SLC2A9: variants seen among roughly 807,000 people sequenced by gnomAD.
SLC2A9 encodes solute carrier family 2 member 9, also known as solute carrier family 2, facilitated glucose transporter member 9.
SLC2A9 carries 39 observed loss-of-function variants against 50.6 expected under a neutral mutation model. The ratio of observed to expected loss-of-function variants is 0.77; its 90% CI spans 0.60 to 1.01. The LOEUF (loss-of-function observed/expected upper bound fraction) is 1.01, where lower values mean the gene tolerates loss of function less well. Ranked by LOEUF, SLC2A9 falls within the 50% of genes least tolerant of loss-of-function variation. SLC2A9 has a pLI of 0.00. For missense variants in SLC2A9, 686 were observed against 677.6 expected, an observed-to-expected ratio of 1.01 and a Z score of -0.14; for synonymous variants, 324 against 276.9, an observed-to-expected ratio of 1.17 and a Z score of -1.69.
chr4:9,858,184 A>C (rs1731028934), intron 10 of SLC2A9, among the ~76,000 whole-genome samples: 1 of 152,232 alleles, frequency 6.6e-6, no homozygotes, highest in Non-Finnish European at 1.5e-5. Flanking sequence ...CACTGAGTAG[A>C]AAGAGGGGAG....
At chr4:9,878,499 C>T (rs1355871187) in intron 10 of SLC2A9, among the ~76,000 whole-genome samples, 5 of 152,058 alleles carry the variant, frequency 3.3e-5, no homozygotes, top group Non-Finnish European at 7.4e-5. Flanking sequence ...AGTTGGTAAA[C>T]GCACTGAAGT....
At chr4:9,783,311 G>T in intron 3 of SLC2A9, 1 of 1,614,200 alleles carries the variant, frequency 6.2e-7, no homozygotes, top group South Asian at 1.1e-5. Context: ...GGTGGACAAC[G>T]ACGAGGAGGA....
intron 2 of SLC2A9, 114 bp downstream of exon 2, chr4:10,018,861 G>C (rs1360387008): frequency 2.0e-6 from 2 of 988,084 alleles, no homozygotes; most frequent in Non-Finnish European, 3.1e-6. Flanking sequence ...CTGTCCCCGC[G>C]GTGTCCCGCG....
chr4:9,888,883 C>T (rs1194551716), intron 9 of SLC2A9, among the ~76,000 whole-genome samples: 1 of 152,120 alleles, frequency 6.6e-6, no homozygotes. Flanking sequence ...GACTCTTGTA[C>T]ACTGTATGGC....
At chr4:10,021,184 G>A (rs914228270) in intron 1 of SLC2A9, 96 bp downstream of exon 1, 18 of 1,307,428 alleles carry the variant, frequency 1.4e-5, no homozygotes, top group South Asian at 2.4e-5. Flanking sequence ...CCAGCTACAC[G>A]CTGCCAGGCT....
At chr4:9,802,705 C>T (rs1427967872) in intron 3 of SLC2A9, among the ~76,000 whole-genome samples, 1 of 151,696 alleles carries the variant, frequency 6.6e-6, no homozygotes, top group African/African-American at 2.4e-5. Context: ...ATTACAGGTG[C>T]CCACCACTAC....
At chr4:9,986,652 A>G (rs1436981879) in intron 3 of SLC2A9, among the ~76,000 whole-genome samples, 1 of 152,034 alleles carries the variant, frequency 6.6e-6, no homozygotes, top group Non-Finnish European at 1.5e-5. Context: ...TAAAATAACA[A>G]TACTCCTCAG....
intron 3 of SLC2A9, among the ~76,000 whole-genome samples, chr4:9,809,180 C>A (rs1048001853): frequency 6.6e-6 from 1 of 152,064 alleles, no homozygotes; most frequent in Non-Finnish European, 1.5e-5. Context: ...ATGTCAGACT[C>A]GATTTTTAAT....
intron 10 of SLC2A9, among the ~76,000 whole-genome samples, chr4:9,887,212 T>C (rs1036482426): frequency 1.3e-5 from 2 of 152,230 alleles, no homozygotes; most frequent in Non-Finnish European, 2.9e-5. Context: ...TTGCCACATC[T>C]TTCACCATAG....
At position 9,783,019 on chromosome 4, in the gene SLC2A9, G is replaced by A. The variant is rs139981364; in HGVS notation, n.386-2954C>T. 1,000 of 1,614,228 alleles carry A rather than the reference G, an allele frequency of 6.2e-4. 9 individuals are homozygous for A. In the African/African-American group the frequency reaches 0.012, roughly 19 times the overall value. The stretch of plus-strand genomic sequence containing the variant: ...GCAGTGGACACCCCGAAGGCCCTCC[G>A]GCCGGCTTCCCCTGCGTCAGTGAGA... On this transcript the variant is annotated intron_variant and non_coding_transcript_variant, in intron 3 of 3. Coordinates refer to the SLC2A9 transcript ENST00000503803.
chr4:9,984,579 G>T lies in SLC2A9; in HGVS notation c.535+1090C>A, dbSNP rs139485835. On this transcript the variant is annotated intron_variant, in intron 4 of 11. Coordinates refer to ENST00000264784, the MANE Select transcript of SLC2A9 (RefSeq NM_020041.3). ...CAGCAGAACTGAGATCCAAACTCAG[G>T]GATTTCTAATCCTAAGGCTTGCAAT... Among the ~76,000 whole-genome samples the T allele has an allele frequency of 2.6e-3, 393 of 152,170 alleles. 2 individuals carry two copies. Among genetic ancestry groups the T allele is most frequent in the African/African-American group, 8.7e-3 (363 of 41,512 alleles).
At chr4:10,024,858 GA>G (rs1052197589), upstream of SLC2A9, among the ~76,000 whole-genome samples, 3 of 152,232 alleles carry the variant, frequency 2.0e-5, no homozygotes, top group Non-Finnish European at 4.4e-5. Flanking sequence ...CATTTAAGCA[GA>G]ATGTTTGAAA....
chr4:9,781,056 C>T (rs1718291530), intron 3 of SLC2A9, among the ~76,000 whole-genome samples: 2 of 152,070 alleles, frequency 1.3e-5, no homozygotes, highest in South Asian at 4.1e-4. Flanking sequence ...TCAGCTGAAG[C>T]CCCAGCCTCA....
intron 1 of SLC2A9, among the ~76,000 whole-genome samples, chr4:9,772,743 C>T (rs1217359094): frequency 6.6e-6 from 1 of 152,152 alleles, no homozygotes; most frequent in Admixed American, 6.5e-5. Context: ...CAGGGACTTG[C>T]ACTTTTGTAA....
At chr4:9,778,053 T>TTTCC (rs1163039690), downstream of SLC2A9, among the ~76,000 whole-genome samples, 1,381 of 13,918 alleles carry the variant, frequency 0.099, 47 homozygotes, top group Admixed American at 0.29. Flanking sequence ...TCTTTCTTTC[T>TTTCC]TTCCTTCCTT....
chr4:9,821,331 T>C (rs1333437921), downstream of SLC2A9, among the ~76,000 whole-genome samples: 1 of 152,220 alleles, frequency 6.6e-6, no homozygotes, highest in Non-Finnish European at 1.5e-5. Flanking sequence ...TAATATTTGA[T>C]AAGGAATTGT....
chr4:9,775,806 C>T (rs1228360774), downstream of SLC2A9, among the ~76,000 whole-genome samples: 2 of 152,170 alleles, frequency 1.3e-5, no homozygotes, highest in African/African-American at 4.8e-5. Flanking sequence ...TTATAAATTA[C>T]CTTGTCTCAG....
rs140191197 is a variant in SLC2A9 at position 9,942,481 on chromosome 4, C to T, written c.682-436G>A. Among the ~76,000 whole-genome samples, 424 of 152,286 alleles carry T rather than the reference C, an allele frequency of 2.8e-3. 5 individuals carry two copies. The highest frequency in any genetic ancestry group is 9.8e-3 in the African/African-American group (407 of 41,554). On this transcript the variant is annotated intron_variant, in intron 5 of 11. Transcript: ENST00000264784. ...TGGGCACCACCGCTAGATATCTAGA[C>T]GCCCACGACATTCAACCATCTCTGT...
rs542645219 is a variant in SLC2A9, at chr4:9,930,649, G to C, written c.815-10077C>G. ...GGTAATGAACCTACTCATATTTGCA[G>C]ATGTCTAGTCTGCAGAAAAGAGTTT... On this transcript the variant is annotated intron_variant, in intron 6 of 11. Transcript: ENST00000264784. Among the ~76,000 whole-genome samples, 36 of 152,350 alleles carry C rather than the reference G, an allele frequency of 2.4e-4. No individual in the cohort carries two copies. The South Asian group carries it at 7.3e-3, about 31-fold the overall frequency.
Sources: allele counts gnomAD v4.1 joint callset (sites outside exome capture counted in the v4.1 genomes callset), GRCh38; gene constraint gnomAD v4.1.1; transcripts MANE v1.5; gene names NCBI Gene and HGNC (gene_info 2026-07-23, HGNC 2026-07-21).